CACNB4: variants seen among roughly 807,000 people sequenced by gnomAD.
The protein encoded by CACNB4 is calcium voltage-gated channel auxiliary subunit beta 4.
In CACNB4, 32 loss-of-function variants were observed where a neutral mutation model predicts 71.2. The observed-to-expected ratio is 0.45, with a 90% confidence interval of 0.34 to 0.60. The LOEUF is 0.60. Ranked by LOEUF, CACNB4 falls within the 20% of genes least tolerant of loss-of-function variation. CACNB4 has a pLI of 0.01. For missense variants in CACNB4, 464 were observed against 647.9 expected, an observed-to-expected ratio of 0.72 and a Z score of 3.08; for synonymous variants, 231 against 236.9, an observed-to-expected ratio of 0.97 and a Z score of 0.23.
At chr2:152,093,094 A>G (rs1002541079) in intron 2 of CACNB4, among the ~76,000 whole-genome samples, 3 of 152,190 alleles carry the variant, frequency 2.0e-5, no homozygotes, top group Admixed American at 6.5e-5. Flanking sequence ...GAGGGCCCCA[A>G]TGTACATTAT....
chr2:152,088,234 C>A (rs1238201164), intron 2 of CACNB4, among the ~76,000 whole-genome samples: 2 of 150,690 alleles, frequency 1.3e-5, no homozygotes, highest in East Asian at 3.9e-4. Context: ...TAACAATGAT[C>A]ATTTTACCCA....
intron 2 of CACNB4, among the ~76,000 whole-genome samples, chr2:151,937,668 T>C (rs1030839390): frequency 6.6e-6 from 1 of 152,216 alleles, no homozygotes; most frequent in Non-Finnish European, 1.5e-5. Flanking sequence ...TCCCCATTTC[T>C]GTAGACAGTG....
chr2:152,098,643 C>T lies in CACNB4; in HGVS notation c.64-230G>A, dbSNP rs1688419078. On this transcript the variant is annotated intron_variant, in intron 1 of 13. Transcript: ENST00000539935. The surrounding 1 kb of genome is among the most constrained non-coding windows in gnomAD (Gnocchi z 5.3). Reference sequence around the variant, plus strand: ...AAGAGCAGCCCGCAAGCACCCACCACATCCATTAACAAAGACTCTCAGGGT... The same window carrying T: ...AAGAGCAGCCCGCAAGCACCCACCATATCCATTAACAAAGACTCTCAGGGT... 1 of 1,573,134 alleles carries T rather than the reference C, an allele frequency of 6.4e-7. No individual in the cohort carries two copies. Among genetic ancestry groups the T allele is most frequent in the East Asian group, 2.4e-5 (1 of 42,234 alleles).
intron 2 of CACNB4, among the ~76,000 whole-genome samples, chr2:152,045,237 C>T (rs1323395494): frequency 2.0e-5 from 3 of 152,098 alleles, no homozygotes; most frequent in East Asian, 3.9e-4. Context: ...TTTACAGCAG[C>T]GTTAGTCACA....
intron 2 of CACNB4, among the ~76,000 whole-genome samples, chr2:151,989,512 T>C (rs183107701): frequency 3.9e-5 from 6 of 152,346 alleles, no homozygotes; most frequent in Non-Finnish European, 7.4e-5. Flanking sequence ...TTGGTTTCTA[T>C]GGTATGGCTC....
chr2:151,940,161 G>T (rs1488142977), intron 2 of CACNB4, among the ~76,000 whole-genome samples: 1 of 152,196 alleles, frequency 6.6e-6, no homozygotes. Context: ...TTTCTTAAGA[G>T]GTATGGCTCT....
At chr2:151,919,023 C>G (rs113125218) in intron 2 of CACNB4, among the ~76,000 whole-genome samples, 1 of 152,100 alleles carries the variant, frequency 6.6e-6, no homozygotes, top group South Asian at 2.1e-4. Context: ...GGTGTGATTT[C>G]GCCTAGAGCC....
At chr2:151,936,752 C>T (rs1265049200) in intron 2 of CACNB4, among the ~76,000 whole-genome samples, 1 of 152,176 alleles carries the variant, frequency 6.6e-6, no homozygotes, top group African/African-American at 2.4e-5. Flanking sequence ...CCCTAGGGCC[C>T]GGACCACCTC....
rs186003406 is a variant in CACNB4, at chr2:152,014,718, G to A, written c.147+83612C>T. ...TGCACTCCAGCCTGGGTGACAGAGC[G>A]CAACTCTGTCTCAAAAAAAAAAAAA... On this transcript the variant is annotated intron_variant, in intron 2 of 13. Coordinates refer to ENST00000539935, the MANE Select transcript of CACNB4 (RefSeq NM_000726.5). 1.1e-3 allele frequency among the ~76,000 whole-genome samples: 161 copies of A among 147,910 alleles called. 2 individuals carry two copies. Among genetic ancestry groups the A allele is most frequent in the African/African-American group, 3.8e-3 (149 of 39,286 alleles).
At chr2:152,048,166 A>AT in intron 2 of CACNB4, among the ~76,000 whole-genome samples, 1 of 152,134 alleles carries the variant, frequency 6.6e-6, no homozygotes, top group Non-Finnish European at 1.5e-5. Context: ...GTCTGACAGC[A>AT]TCCCTGGTCT....
At position 152,099,030 on chromosome 2, in the gene CACNB4, G is replaced by T; in HGVS notation, c.-19C>A. ...AGGACATCGTTCAGAGCCGCCGCAT[G>T]GCCAGCCCGTGTGCGGTGGGCGGAG... On this transcript the variant is annotated 5_prime_UTR_variant, in exon 1 of 14. Transcript: ENST00000539935. 1 of 1,512,454 alleles carries T rather than the reference G, an allele frequency of 6.6e-7. No individual in the cohort carries two copies. The highest frequency in any genetic ancestry group is 8.8e-7 in the Non-Finnish European group (1 of 1,133,602). 93.7% of individuals were successfully genotyped at this position (1,512,454 alleles called of 1,614,324 possible).
chr2:151,990,770 T>C (rs1195553301), intron 2 of CACNB4, among the ~76,000 whole-genome samples: 7 of 152,190 alleles, frequency 4.6e-5, no homozygotes, highest in African/African-American at 1.2e-4. Context: ...AAGCAGTCAG[T>C]TGATTACCTT....
chr2:151,944,565 G>A (rs139021601), intron 2 of CACNB4, among the ~76,000 whole-genome samples: 305 of 152,290 alleles, frequency 2.0e-3, no homozygotes, highest in Non-Finnish European at 3.0e-3. Context: ...GCCAAGGCAG[G>A]CAGATCACCT....
intron 2 of CACNB4, among the ~76,000 whole-genome samples, chr2:152,054,236 C>T (rs540232320): frequency 3.3e-5 from 5 of 151,496 alleles, no homozygotes; most frequent in East Asian, 1.9e-4. Flanking sequence ...CGTGGTGGCG[C>T]GCGCCTGTAG....
At position 152,032,562 on chromosome 2, in the gene CACNB4, A is replaced by G. The variant is rs184241287; in HGVS notation, c.147+65768T>C. Among the ~76,000 whole-genome samples, 129 of 152,344 alleles carry G rather than the reference A, an allele frequency of 8.5e-4. 1 individual carries two copies. Among genetic ancestry groups the G allele is most frequent in the African/African-American group, 2.8e-3 (118 of 41,580 alleles). Reference sequence around the variant, plus strand: ...ATATATTACCGAGACATTTTAATACAACTTTATTTTTAATAATAGGGAATT... The same window carrying G: ...ATATATTACCGAGACATTTTAATACGACTTTATTTTTAATAATAGGGAATT... On this transcript the variant is annotated intron_variant, in intron 2 of 13. Transcript: ENST00000539935.
At chr2:152,095,289 G>A (rs1469573650) in intron 2 of CACNB4, among the ~76,000 whole-genome samples, 1 of 152,094 alleles carries the variant, frequency 6.6e-6, no homozygotes, top group African/African-American at 2.4e-5. Flanking sequence ...AAATGTTCAT[G>A]TGTGTGCATG....
chr2:151,892,826 C>T (rs1578672316), intron 2 of CACNB4, among the ~76,000 whole-genome samples: 1 of 152,164 alleles, frequency 6.6e-6, no homozygotes, highest in East Asian at 1.9e-4. Flanking sequence ...TAAATGGAGA[C>T]CCCAATACTG....
chr2:152,051,728 T>G (rs893092619), intron 2 of CACNB4, among the ~76,000 whole-genome samples: 1 of 152,202 alleles, frequency 6.6e-6, no homozygotes, highest in Non-Finnish European at 1.5e-5. Context: ...TTTCTGTTGT[T>G]TAAGCCACCC....
chr2:151,882,999 T>C, intron 3 of CACNB4: 1 of 462,190 alleles, frequency 2.2e-6, no homozygotes, highest in Non-Finnish European at 4.0e-6. Context: ...AGGTTTGATA[T>C]TGCTAAGTTG....
Sources: gnomAD v4.1 joint callset for allele counts (sites outside exome capture counted in the v4.1 genomes callset) on GRCh38, gnomAD v4.1.1 for gene constraint, Gnocchi (gnomAD v3.1) non-coding constraint, MANE v1.5 for transcripts, NCBI Gene and HGNC (gene_info 2026-07-23, HGNC 2026-07-21) for gene names.